The following CELF2 variants were observed in gnomAD, a reference collection of about 807,000 sequenced individuals.
CELF2 encodes the protein CUGBP Elav-like family member 2.
In CELF2, 8 loss-of-function variants were observed where a neutral mutation model predicts 62.6. That is an observed-to-expected ratio of 0.13 (90% CI 0.07 to 0.23). The LOEUF is 0.23. CELF2 is among the 10% of genes least tolerant of loss of function. The pLI is 1.00. For missense variants in CELF2, 333 were observed against 671.0 expected, an observed-to-expected ratio of 0.50 and a Z score of 5.56; for synonymous variants, 258 against 250.0, an observed-to-expected ratio of 1.03 and a Z score of -0.30.
At position 11,165,187 on chromosome 10, in the gene CELF2, A is replaced by T. The variant is rs1033720294; in HGVS notation, c.75-299A>T. On this transcript the variant is annotated intron_variant, in intron 1 of 12. Coordinates refer to ENST00000633077, the MANE Select transcript of CELF2 (RefSeq NM_001326342.2). The surrounding 1 kb of genome is among the most constrained non-coding windows in gnomAD (Gnocchi z 7.4). ...AGAGCTAGACCTGCACTTAACTTGC[A>T]GCTGCCTCCCGAGCCTCCAAGATGT... The T allele has an allele frequency of 1.6e-5, 20 of 1,228,564 alleles. No individual in the cohort carries two copies. Among genetic ancestry groups the T allele is most frequent in the Non-Finnish European group, 1.9e-5 (19 of 978,282 alleles). The allele number at this position is 1,228,564 out of a possible 1,614,324, so 76.1% of individuals were successfully genotyped here.
chr10:10,869,914 T>A (rs1424951163), intron 1 of CELF2, among the ~76,000 whole-genome samples: 1 of 152,124 alleles, frequency 6.6e-6, no homozygotes, highest in Non-Finnish European at 1.5e-5. Flanking sequence ...AGTATAAGGA[T>A]CAGTCACAGT....
chr10:10,662,081 G>A, the CELF2 span, among the ~76,000 whole-genome samples: 12 of 152,110 alleles, frequency 7.9e-5, no homozygotes, highest in African/African-American at 2.7e-4. Flanking sequence ...GAGAACAGCT[G>A]TGAGCCATTA....
At chr10:10,926,291 C>T (rs368571458) in intron 2 of CELF2, among the ~76,000 whole-genome samples, 1 of 152,046 alleles carries the variant, frequency 6.6e-6, no homozygotes, top group East Asian at 1.9e-4. Flanking sequence ...TCAATGCCAC[C>T]GTAAAAAGGG....
At chr10:10,755,492 G>A in the CELF2 span, among the ~76,000 whole-genome samples, 3 of 152,144 alleles carry the variant, frequency 2.0e-5, no homozygotes, top group Admixed American at 6.5e-5. Flanking sequence ...ATTTTCGCGC[G>A]CAGTCTCTAT....
chr10:10,548,013 G>T, the CELF2 span, among the ~76,000 whole-genome samples: 1 of 152,266 alleles, frequency 6.6e-6, no homozygotes, highest in Admixed American at 6.5e-5. Flanking sequence ...CATGTTATTT[G>T]GTTACCTTTT....
At position 11,290,743 on chromosome 10, in the gene CELF2, T is replaced by A. The variant is rs2092402694; in HGVS notation, c.976+2191T>A. On this transcript the variant is annotated intron_variant, in intron 9 of 12. Coordinates refer to ENST00000633077, the MANE Select transcript of CELF2 (RefSeq NM_001326342.2). The surrounding 1 kb of genome is among the most constrained non-coding windows in gnomAD (Gnocchi z 4.3). ...CTGCTCTGTAAGAGGCTTCTTGCCC[T>A]TCAGAACACGCCGCTCGCTTAGGTG... Among the ~76,000 whole-genome samples, 1 of 152,196 alleles carries A rather than the reference T, an allele frequency of 6.6e-6. No individual in the cohort carries two copies. The highest frequency in any genetic ancestry group is 2.1e-4 in the South Asian group (1 of 4,828).
At chr10:11,002,708 A>G (rs1444602200), upstream of CELF2, among the ~76,000 whole-genome samples, 1 of 152,210 alleles carries the variant, frequency 6.6e-6, no homozygotes, top group Non-Finnish European at 1.5e-5. The surrounding 1 kb of genome is among the most constrained non-coding windows in gnomAD (Gnocchi z 4.4). Context: ...GCTAAATGTG[A>G]AAAGGTCTTG....
chr10:11,259,554 G>C (rs1489272833), intron 5 of CELF2, among the ~76,000 whole-genome samples: 1 of 152,052 alleles, frequency 6.6e-6, no homozygotes, highest in African/African-American at 2.4e-5. Flanking sequence ...TCACTGTATT[G>C]AGTGTGATCC....
chr10:10,509,707 G>A, the CELF2 span, among the ~76,000 whole-genome samples: 8 of 152,148 alleles, frequency 5.3e-5, no homozygotes, highest in African/African-American at 1.9e-4. Flanking sequence ...GCCATCTCTT[G>A]TCAAAGAGGC....
chr10:11,318,733 A>T lies in CELF2; in HGVS notation c.1097-2456A>T, dbSNP rs749330644. The T allele has an allele frequency of 6.4e-5, 30 of 467,142 alleles. 2 individuals carry two copies. The highest frequency in any genetic ancestry group is 4.5e-4 in the South Asian group (29 of 64,136). The allele number at this position is 467,142 out of a possible 1,614,324, so 28.9% of individuals were successfully genotyped here. On this transcript the variant is annotated intron_variant, in intron 10 of 12. Coordinates refer to ENST00000633077, the MANE Select transcript of CELF2 (RefSeq NM_001326342.2). This position sits in a 1 kb window ranked among gnomAD's most constrained non-coding sequence, Gnocchi z 5.4. Reference sequence around the variant, plus strand: ...AAAGGAGAAAGAGTTCAAAGTAGGAAGATAATTTTTCTGACCTGGAAATTA... The same window carrying T: ...AAAGGAGAAAGAGTTCAAAGTAGGATGATAATTTTTCTGACCTGGAAATTA...
chr10:10,583,250 A>G, the CELF2 span, among the ~76,000 whole-genome samples: 2 of 152,260 alleles, frequency 1.3e-5, no homozygotes, highest in African/African-American at 2.4e-5. Flanking sequence ...GCTCTTCTCC[A>G]CTTTTATAAC....
At chr10:10,642,916 C>T in the CELF2 span, among the ~76,000 whole-genome samples, 1 of 152,250 alleles carries the variant, frequency 6.6e-6, no homozygotes, top group African/African-American at 2.4e-5. Flanking sequence ...TGCCACTCCA[C>T]ATGGATTGCC....
rs1445797533 is a variant in CELF2 at position 11,331,593 on chromosome 10, T to A, written c.*2540T>A. On this transcript the variant is annotated 3_prime_UTR_variant, in exon 13 of 13. Coordinates refer to ENST00000633077, the MANE Select transcript of CELF2 (RefSeq NM_001326342.2). ...TATTTTATTATGTGTTTTGTATAAA[T>A]CCCTAATATTTAAAAAAAAAAACAA... The A allele has an allele frequency of 1.3e-5, 2 of 152,028 alleles. No homozygotes were observed. Among genetic ancestry groups the A allele is most frequent in the East Asian group, 3.9e-4 (2 of 5,164 alleles). The allele number at this position is 152,028 out of a possible 1,614,324, so 9.4% of individuals were successfully genotyped here. A position where few individuals can be genotyped will look rare whatever the true frequency, so the allele number is the denominator to read the frequency against.
chr10:10,993,174 A>G lies in CELF2; in HGVS notation c.89+73175A>G, dbSNP rs2053610279. ...AGTAATAAGGTGTATGAGCTACAAA[A>G]TAACTGTTGCTTCCCTTCTGTCCTT... is the stretch of plus-strand genomic sequence containing the variant. On this transcript the variant is annotated intron_variant, in intron 2 of 13. Coordinates refer to the CELF2 transcript ENST00000636488. The surrounding 1 kb of genome is among the most constrained non-coding windows in gnomAD (Gnocchi z 5.3). Among the ~76,000 whole-genome samples, 1 of 151,994 alleles carries G rather than the reference A, an allele frequency of 6.6e-6. No individual in the cohort carries two copies. The highest frequency in any genetic ancestry group is 6.6e-5 in the Admixed American group (1 of 15,262).
the CELF2 span, among the ~76,000 whole-genome samples, chr10:10,779,364 C>T: frequency 1.3e-5 from 2 of 152,210 alleles, no homozygotes; most frequent in African/African-American, 4.8e-5. Flanking sequence ...CTGCACTTCG[C>T]ACATGTAAAA....
At position 11,011,456 on chromosome 10, in the gene CELF2, T is replaced by G. The variant is rs1341581633; in HGVS notation, c.53+6016T>G. ...GTCATTAGGACACCCTGAATTCATC[T>G]TTATTATTAAAAAAAAAAAAAACGC... On this transcript the variant is annotated intron_variant, in intron 1 of 12. Coordinates refer to the CELF2 transcript ENST00000416382. This position sits in a 1 kb window ranked among gnomAD's most constrained non-coding sequence, Gnocchi z 4.6. 2.0e-5 allele frequency among the ~76,000 whole-genome samples: 3 copies of G among 150,032 alleles called. No homozygotes were observed. The East Asian group carries it at 5.9e-4, about 29-fold the overall frequency.
chr10:10,585,541 G>T, the CELF2 span, among the ~76,000 whole-genome samples: 1 of 152,170 alleles, frequency 6.6e-6, no homozygotes, highest in Admixed American at 6.5e-5. Flanking sequence ...GTGTGGAAGT[G>T]CAGTATTTGT....
chr10:11,229,962 C>T (rs1399521241), intron 3 of CELF2, among the ~76,000 whole-genome samples: 1 of 152,088 alleles, frequency 6.6e-6, no homozygotes, highest in Non-Finnish European at 1.5e-5. Flanking sequence ...GAGAATGAAC[C>T]AATGTTGACC....
chr10:10,527,393 G>T, the CELF2 span, among the ~76,000 whole-genome samples: 1 of 146,354 alleles, frequency 6.8e-6, no homozygotes, highest in East Asian at 2.0e-4. Context: ...GTTGCAGTGA[G>T]CTAAGTTCAT....
Sources: allele counts gnomAD v4.1 joint callset (sites outside exome capture counted in the v4.1 genomes callset), GRCh38; gene constraint gnomAD v4.1.1; non-coding constraint Gnocchi (gnomAD v3.1); transcripts MANE v1.5; gene names NCBI Gene and HGNC (gene_info 2026-07-23, HGNC 2026-07-21).